The following TTC39C variants were observed in gnomAD, a reference collection of about 807,000 sequenced individuals.
The protein encoded by TTC39C is tetratricopeptide repeat domain 39C.
Under a neutral mutation model 76.3 loss-of-function variants are expected in TTC39C, and 33 were observed. That is an observed-to-expected ratio of 0.43 (90% confidence interval 0.33 to 0.58). The LOEUF is 0.58. Ranked by LOEUF, TTC39C falls within the 20% of genes least tolerant of loss-of-function variation. The pLI is 0.04. For missense variants in TTC39C, 595 were observed against 701.4 expected (o/e 0.85, Z 1.71); for synonymous variants, 254 against 260.6 (o/e 0.97, Z 0.24).
chr18:24,038,414 C>G (rs922984992), intron 1 of TTC39C, among the ~76,000 whole-genome samples: 8 of 152,142 alleles, frequency 5.3e-5, no homozygotes, highest in African/African-American at 1.9e-4. Flanking sequence ...TCCCGAGTAG[C>G]TGGAACCACA....
At chr18:24,007,802 T>A (rs1391576223) in intron 1 of TTC39C, among the ~76,000 whole-genome samples, 2 of 152,256 alleles carry the variant, frequency 1.3e-5, no homozygotes, top group African/African-American at 4.8e-5. Flanking sequence ...CTCTATATGA[T>A]GCAACTAGTT....
intron 6 of TTC39C, chr18:24,113,314 C>T (rs879505340): frequency 6.2e-6 from 3 of 482,926 alleles, no homozygotes; most frequent in Non-Finnish European, 1.1e-5. Context: ...CCTGCTGACT[C>T]ATTGGTGCCC....
At chr18:24,028,632 C>T (rs1343706425) in intron 1 of TTC39C, among the ~76,000 whole-genome samples, 1 of 152,180 alleles carries the variant, frequency 6.6e-6, no homozygotes, top group Non-Finnish European at 1.5e-5. Context: ...CTGGTTCACA[C>T]AAAATGTTAT....
intron 1 of TTC39C, among the ~76,000 whole-genome samples, chr18:24,037,153 G>T (rs2145684824): frequency 6.6e-6 from 1 of 152,250 alleles, no homozygotes; most frequent in Admixed American, 6.5e-5. Flanking sequence ...TGAATATGAT[G>T]TTAGCTGTGG....
intron 1 of TTC39C, among the ~76,000 whole-genome samples, chr18:24,055,050 T>G (rs1185334054): frequency 1.3e-5 from 2 of 152,236 alleles, no homozygotes; most frequent in African/African-American, 4.8e-5. Flanking sequence ...ACAAGGTTCA[T>G]CCATTTTGCC....
chr18:24,093,642 A>G (rs2084555439), intron 6 of TTC39C, among the ~76,000 whole-genome samples: 1 of 152,252 alleles, frequency 6.6e-6, no homozygotes, highest in Non-Finnish European at 1.5e-5. Context: ...AGACCACTGC[A>G]CTAAAGCAAA....
chr18:24,027,247 G>A (rs114073479), intron 1 of TTC39C, among the ~76,000 whole-genome samples: 3,264 of 151,894 alleles, frequency 0.021, 53 homozygotes, highest in African/African-American at 0.048. Context: ...ACCCGAGATC[G>A]CGCCACTGTG....
intron 1 of TTC39C, among the ~76,000 whole-genome samples, chr18:24,044,398 C>T (rs1317065483): frequency 6.6e-6 from 1 of 152,132 alleles, no homozygotes; most frequent in Admixed American, 6.5e-5. Flanking sequence ...CTGGCAGTTG[C>T]ATTAGTTTGC....
At chr18:24,076,291 T>G (rs2084306765) in intron 4 of TTC39C, among the ~76,000 whole-genome samples, 1 of 152,136 alleles carries the variant, frequency 6.6e-6, no homozygotes. Flanking sequence ...GCTCTGTGGT[T>G]TTTCTGCTGT....
Position 24,069,034 on chromosome 18 carries a change from C to A in TTC39C, c.346-123C>A, listed in dbSNP as rs539111079. The A allele has an allele frequency of 3.4e-5, 26 of 757,602 alleles. 1 individual carries two copies. The South Asian group carries it at 5.0e-4, about 15-fold the overall frequency. 46.9% of individuals were successfully genotyped at this position (757,602 alleles called of 1,614,324 possible). A position where few individuals can be genotyped will look rare whatever the true frequency, so the allele number is the denominator to read the frequency against. ...GCTCATAGGATAAATTTGGGCTTGG[C>A]TTTGAGTGCCAGGTTTCACAATTCG... On this transcript the variant is annotated intron_variant, in intron 3 of 13. Transcript: ENST00000317571.
chr18:24,092,268 T>C (rs2084532405), intron 6 of TTC39C, among the ~76,000 whole-genome samples: 1 of 152,036 alleles, frequency 6.6e-6, no homozygotes, highest in South Asian at 2.1e-4. Context: ...AGACAGCCAA[T>C]AGCAAGTGTG....
chr18:24,016,985 A>G (rs1190780888), intron 1 of TTC39C, among the ~76,000 whole-genome samples: 1 of 152,226 alleles, frequency 6.6e-6, no homozygotes, highest in Non-Finnish European at 1.5e-5. Context: ...ACTGTGGACC[A>G]GGACACAAAC....
intron 1 of TTC39C, among the ~76,000 whole-genome samples, chr18:24,047,214 C>T (rs1252050889): frequency 6.6e-6 from 1 of 151,720 alleles, no homozygotes; most frequent in Non-Finnish European, 1.5e-5. Context: ...CTGCCTCAGC[C>T]TCCCAAGTAG....
At chr18:24,098,902 G>T (rs2084635566) in intron 6 of TTC39C, among the ~76,000 whole-genome samples, 1 of 151,816 alleles carries the variant, frequency 6.6e-6, no homozygotes, top group Non-Finnish European at 1.5e-5. Flanking sequence ...AAAGTGCTGG[G>T]ATTACAGGCA....
rs111669179 is a variant in TTC39C, at chr18:24,018,458, G to A, written c.167+3420G>A. Among the ~76,000 whole-genome samples, 378 of 152,256 alleles carry A rather than the reference G, an allele frequency of 2.5e-3. 1 individual carries two copies. The highest frequency in any genetic ancestry group is 8.7e-3 in the African/African-American group (363 of 41,534). ...GTGCACTCAGACCTTTAGTTGCTCA[G>A]GCACATAAGACAGGCTGTGGGTTAG... is the stretch of plus-strand genomic sequence containing the variant. On this transcript the variant is annotated intron_variant, in intron 1 of 13. Transcript: ENST00000317571.
At chr18:24,100,843 G>A (rs1188828964) in intron 6 of TTC39C, among the ~76,000 whole-genome samples, 1 of 152,216 alleles carries the variant, frequency 6.6e-6, no homozygotes. Context: ...GAATAAGTCA[G>A]GGTTTTCTGA....
intron 1 of TTC39C, among the ~76,000 whole-genome samples, chr18:24,024,008 A>ATT (rs1568409133): frequency 1.4e-4 from 1 of 6,998 alleles, no homozygotes; most frequent in African/African-American, 5.1e-4. Flanking sequence ...ATATATATAT[A>ATT]TATATATATT....
chr18:24,091,066 C>T (rs1013859473), intron 6 of TTC39C, among the ~76,000 whole-genome samples: 5 of 152,144 alleles, frequency 3.3e-5, no homozygotes, highest in Admixed American at 6.5e-5. Flanking sequence ...CTCGGCCTCC[C>T]GAAGTGCTGG....
intron 6 of TTC39C, among the ~76,000 whole-genome samples, chr18:24,105,344 C>T (rs977716411): frequency 1.3e-5 from 2 of 152,106 alleles, no homozygotes; most frequent in Admixed American, 1.3e-4. Flanking sequence ...GGAAATTGAC[C>T]CTTTACAAAC....
Sources: allele counts gnomAD v4.1 joint callset (sites outside exome capture counted in the v4.1 genomes callset), GRCh38; gene constraint gnomAD v4.1.1; transcripts MANE v1.5; gene names NCBI Gene and HGNC (gene_info 2026-07-23, HGNC 2026-07-21).